POC1B: variants seen among roughly 807,000 people sequenced by gnomAD.
POC1B encodes the protein POC1 centriolar protein homolog B.
Under a neutral mutation model 60.6 loss-of-function variants are expected in POC1B, and 44 were observed. The ratio of observed to expected loss-of-function variants is 0.73; its 90% CI spans 0.57 to 0.93. The LOEUF (loss-of-function observed/expected upper bound fraction) is 0.93, where lower values mean the gene tolerates loss of function less well. POC1B is among the 40% of genes least tolerant of loss of function. The pLI is 0.00. For synonymous variants in POC1B, 180 were observed against 198.9 expected (o/e 0.90, Z 0.80); for missense variants, 555 against 572.3 (o/e 0.97, Z 0.31).
intron 2 of POC1B, among the ~76,000 whole-genome samples, chr12:89,516,667 G>A (rs1387445376): frequency 2.0e-5 from 3 of 152,040 alleles, no homozygotes; most frequent in Non-Finnish European, 2.9e-5. Context: ...CATAAACCTG[G>A]AGGCATAAAA....
intron 4 of POC1B, among the ~76,000 whole-genome samples, chr12:89,479,385 A>C (rs937420794): frequency 2.0e-5 from 3 of 152,224 alleles, no homozygotes; most frequent in African/African-American, 7.2e-5. Flanking sequence ...CTTTGAATAC[A>C]AAGCTTTTTC....
intron 2 of POC1B, 31 bp from the exon 3 acceptor site, chr12:89,497,373 T>C (rs1869310529): frequency 1.3e-6 from 2 of 1,586,892 alleles, no homozygotes; most frequent in Non-Finnish European, 1.7e-6. Context: ...AAAACCACTG[T>C]TTGTTAAAAT....
chr12:89,434,513 T>C (rs1001212512), intron 10 of POC1B, among the ~76,000 whole-genome samples: 4 of 152,360 alleles, frequency 2.6e-5, no homozygotes, highest in Non-Finnish European at 5.9e-5. Context: ...TCACTTCTTA[T>C]ATGATTAAGA....
At chr12:89,412,429 A>G in the POC1B span, among the ~76,000 whole-genome samples, 1 of 148,192 alleles carries the variant, frequency 6.7e-6, no homozygotes, top group Admixed American at 6.8e-5. Context: ...CTGTAATCCC[A>G]GCACTTTGGG....
rs959242194 is a variant in POC1B at position 89,524,625 on chromosome 12, C to G, written c.100+495G>C. 108 of 1,471,116 alleles carry G rather than the reference C, an allele frequency of 7.3e-5. No individual in the cohort carries two copies. In the Admixed American group the frequency reaches 1.2e-3, roughly 17 times the overall value. The allele number at this position is 1,471,116 out of a possible 1,614,324, so 91.1% of individuals were successfully genotyped here. A position where few individuals can be genotyped will look rare whatever the true frequency, so the allele number is the denominator to read the frequency against. On this transcript the variant is annotated intron_variant, in intron 2 of 11. Coordinates refer to ENST00000313546, the MANE Select transcript of POC1B (RefSeq NM_172240.3). ...GGGAAGGGCGGCGGAACCCACAGCTCGAGCTCAGGTACTTCCCAGCAGGTT... is the reference window on the plus strand; with the variant it reads ...GGGAAGGGCGGCGGAACCCACAGCTGGAGCTCAGGTACTTCCCAGCAGGTT...
At chr12:89,522,337 T>C in intron 2 of POC1B, 2 of 396,108 alleles carry the variant, frequency 5.0e-6, no homozygotes, top group Non-Finnish European at 8.9e-6. Flanking sequence ...AAAAATAAAA[T>C]CTAAAATTTA....
downstream of POC1B, among the ~76,000 whole-genome samples, chr12:89,415,574 C>T (rs1880349620): frequency 6.6e-6 from 1 of 151,216 alleles, no homozygotes; most frequent in African/African-American, 2.4e-5. Flanking sequence ...ACCCGGGAGG[C>T]GGAGCTTGCA....
chr12:89,524,467 A>G, intron 2 of POC1B: 2 of 1,613,696 alleles, frequency 1.2e-6, no homozygotes, highest in Non-Finnish European at 1.7e-6. Flanking sequence ...AGTAGAGACC[A>G]AGAGCTCCAC....
intron 4 of POC1B, among the ~76,000 whole-genome samples, chr12:89,483,357 G>A (rs138886087): frequency 3.2e-4 from 48 of 152,182 alleles, no homozygotes; most frequent in African/African-American, 4.6e-4. Context: ...CCAGCTCTGC[G>A]GAACTGTGAG....
chr12:89,516,865 C>T (rs1422673822), intron 2 of POC1B, among the ~76,000 whole-genome samples: 2 of 152,134 alleles, frequency 1.3e-5, no homozygotes, highest in African/African-American at 4.8e-5. Flanking sequence ...CTTCACGTGG[C>T]CTCCTCTTAT....
At chr12:89,437,031 C>T (rs1440640266) in intron 10 of POC1B, among the ~76,000 whole-genome samples, 7 of 152,118 alleles carry the variant, frequency 4.6e-5, no homozygotes, top group Admixed American at 4.6e-4. Context: ...CCCTCTTCTC[C>T]CATGTACAAT....
At chr12:89,428,247 T>A (rs1433757952) in intron 10 of POC1B, 2 of 152,296 alleles carry the variant, frequency 1.3e-5, no homozygotes, top group African/African-American at 2.4e-5. Flanking sequence ...CTGCCTGCAA[T>A]GGCTTTCTCT....
At position 89,493,247 on chromosome 12, in the gene POC1B, CAT is replaced by C. The variant is rs549264432; in HGVS notation, c.273-1134_273-1133del. ...TTTGCTACAACGATTTTGCTTACTA[CAT>C]TATACAGTGACTTTCTAAAGAACGA... is the stretch of plus-strand genomic sequence containing the variant. On this transcript the variant is annotated intron_variant, in intron 3 of 11. Coordinates refer to ENST00000313546, the MANE Select transcript of POC1B (RefSeq NM_172240.3). Among the ~76,000 whole-genome samples the C allele has an allele frequency of 1.5e-4, 23 of 152,346 alleles. No homozygotes were observed. In the South Asian group the frequency reaches 4.8e-3, roughly 32 times the overall value.
At chr12:89,524,045 CTT>C in intron 2 of POC1B, 7 of 1,613,588 alleles carry the variant, frequency 4.3e-6, no homozygotes, top group Non-Finnish European at 5.9e-6. Context: ...AAGATGATCT[CTT>C]TCAAAAGAAC....
chr12:89,429,197 T>C (rs527973158), intron 10 of POC1B: 3 of 152,034 alleles, frequency 2.0e-5, no homozygotes, highest in Non-Finnish European at 2.9e-5. Flanking sequence ...ATATGACATA[T>C]GGAAATGAAA....
rs1880474741 is a variant in POC1B, at chr12:89,420,269, A to G, written c.*884T>C. 1 of 152,218 alleles carries G rather than the reference A, an allele frequency of 6.6e-6. No homozygotes were observed. Among genetic ancestry groups the G allele is most frequent in the African/African-American group, 2.4e-5 (1 of 41,452 alleles). The allele number at this position is 152,218 out of a possible 1,614,324, so 9.4% of individuals were successfully genotyped here. On this transcript the variant is annotated 3_prime_UTR_variant, in exon 12 of 12. Transcript: ENST00000313546. ...GAAGATGATGATGCAAAAATTTTAA[A>G]AAGTACTTACTATTTAGCTGCCCAA...
At chr12:89,439,481 G>A (rs1041964482) in intron 10 of POC1B, among the ~76,000 whole-genome samples, 2 of 152,184 alleles carry the variant, frequency 1.3e-5, no homozygotes, top group Admixed American at 6.5e-5. Context: ...TTAAAATGCA[G>A]GGTCTGATTT....
In POC1B at chr12:89,420,382, T is replaced by C. The variant is rs1880480486; in HGVS notation, c.*771A>G. The C allele has an allele frequency of 6.6e-6, 1 of 152,230 alleles. No homozygotes were observed. The highest frequency in any genetic ancestry group is 2.4e-5 in the African/African-American group (1 of 41,462). The allele number at this position is 152,230 out of a possible 1,614,324, so 9.4% of individuals were successfully genotyped here. A position where few individuals can be genotyped will look rare whatever the true frequency, so the allele number is the denominator to read the frequency against. On this transcript the variant is annotated 3_prime_UTR_variant, in exon 12 of 12. Transcript: ENST00000313546. ...TCACTTTTGTATCACTCTGACTTTT[T>C]AGCATACTGAAAACACACTAACATA...
intron 9 of POC1B, among the ~76,000 whole-genome samples, chr12:89,464,549 A>C (rs866742264): frequency 1.6e-5 from 2 of 128,700 alleles, no homozygotes; most frequent in East Asian, 4.8e-4. Flanking sequence ...GTGCACTGAC[A>C]TGATCTCGGC....
Sources: allele counts gnomAD v4.1 joint callset (sites outside exome capture counted in the v4.1 genomes callset), GRCh38; gene constraint gnomAD v4.1.1; transcripts MANE v1.5; gene names NCBI Gene and HGNC (gene_info 2026-07-23, HGNC 2026-07-21).